Variants in NBAS observed in about 807,000 individuals in gnomAD.
NBAS encodes the protein NBAS subunit of NRZ tethering complex, also known as NAG/BC035112 fusion.
NBAS carries 219 observed loss-of-function variants against 302.5 expected under a neutral mutation model. That is an observed-to-expected ratio of 0.72 (90% CI 0.65 to 0.81). The LOEUF (loss-of-function observed/expected upper bound fraction) is 0.81. Ranked by LOEUF, NBAS falls within the 30% of genes least tolerant of loss-of-function variation. The pLI, the probability that NBAS is intolerant of heterozygous loss-of-function variation, is 0.00. For missense variants in NBAS, 2,932 were observed against 2,841.6 expected, an observed-to-expected ratio of 1.03 and a Z score of -0.72; for synonymous variants, 1,118 against 1,021.6, an observed-to-expected ratio of 1.09 and a Z score of -1.80.
chr2:15,258,742 C>A (rs746959860), intron 44 of NBAS, among the ~76,000 whole-genome samples: 10 of 152,140 alleles, frequency 6.6e-5, no homozygotes, highest in Non-Finnish European at 1.3e-4. Context: ...TGAACATAGA[C>A]CCTTATCAGG....
chr2:14,844,573 G>C, the NBAS span, among the ~76,000 whole-genome samples: 1 of 152,226 alleles, frequency 6.6e-6, no homozygotes, highest in Non-Finnish European at 1.5e-5. Context: ...CTCTGCCACA[G>C]AGAGGTAGCA....
chr2:15,145,623 C>A, the NBAS span, among the ~76,000 whole-genome samples: 3 of 152,070 alleles, frequency 2.0e-5, no homozygotes, highest in Non-Finnish European at 4.4e-5. Context: ...CTGGACTGGG[C>A]AGACCACTGG....
At chr2:14,973,771 T>C in the NBAS span, among the ~76,000 whole-genome samples, 1 of 152,362 alleles carries the variant, frequency 6.6e-6, no homozygotes, top group South Asian at 2.1e-4. Flanking sequence ...TGAATTGCCC[T>C]GTTTCTGTAA....
chr2:15,203,850 C>CTGTG (rs1163629239), intron 48 of NBAS, among the ~76,000 whole-genome samples: 1 of 143,182 alleles, frequency 7.0e-6, no homozygotes, highest in Admixed American at 6.9e-5. Context: ...GGTGGCATGT[C>CTGTG]TGTGTGTGTG....
chr2:15,471,366 T>G (rs1035077326), intron 16 of NBAS, among the ~76,000 whole-genome samples: 3 of 152,354 alleles, frequency 2.0e-5, no homozygotes, highest in Admixed American at 2.0e-4. Context: ...ATCATCCTGT[T>G]TGGCTGATGC....
At chr2:15,143,651 G>A in the NBAS span, among the ~76,000 whole-genome samples, 1 of 152,116 alleles carries the variant, frequency 6.6e-6, no homozygotes, top group Non-Finnish European at 1.5e-5. Flanking sequence ...CCCCTCGTAT[G>A]ATGGTTAATA....
chr2:14,904,482 C>T, the NBAS span, among the ~76,000 whole-genome samples: 13 of 152,178 alleles, frequency 8.5e-5, no homozygotes, highest in Non-Finnish European at 1.8e-4. Context: ...CTCAGCAAGT[C>T]GGCTTATCCC....
chr2:14,793,827 A>G, the NBAS span, among the ~76,000 whole-genome samples: 1 of 152,148 alleles, frequency 6.6e-6, no homozygotes, highest in Non-Finnish European at 1.5e-5. Flanking sequence ...CCATATACAA[A>G]CAGGGGCACA....
chr2:14,916,334 G>C, the NBAS span, among the ~76,000 whole-genome samples: 1 of 152,094 alleles, frequency 6.6e-6, no homozygotes, highest in Non-Finnish European at 1.5e-5. Flanking sequence ...CAACGTAAAG[G>C]ACAAACACTC....
At chr2:15,079,390 A>G in the NBAS span, among the ~76,000 whole-genome samples, 1 of 152,144 alleles carries the variant, frequency 6.6e-6, no homozygotes, top group Non-Finnish European at 1.5e-5. Context: ...AAAAGAGATC[A>G]TAAGTAAGAA....
At position 15,353,678 on chromosome 2, in the gene NBAS, A is replaced by G; in HGVS notation, c.3964T>C (p.Leu1322=). The part of the protein sequence containing the change: ...YPKSWDVCSQ[L]GQSEGYQDLA... ...TCCTGGTAACCTTCTGATTGTCCTA[A>G]CTGGCTACAAACATCCCAACTTTTA... Residue 1322 remains leucine, a synonymous_variant, in exon 34 of 52, where the codon TTA becomes CTA. Coordinates refer to ENST00000281513, the MANE Select transcript of NBAS (RefSeq NM_015909.4). 1 of 1,614,048 alleles carries G rather than the reference A, an allele frequency of 6.2e-7. No homozygotes were observed. The highest frequency in any genetic ancestry group is 8.5e-7 in the Non-Finnish European group (1 of 1,179,948).
At chr2:14,779,918 C>T in the NBAS span, among the ~76,000 whole-genome samples, 1 of 152,154 alleles carries the variant, frequency 6.6e-6, no homozygotes. Flanking sequence ...TTTGTTATTA[C>T]ATATATAACT....
At chr2:15,095,535 G>C in the NBAS span, among the ~76,000 whole-genome samples, 4 of 152,184 alleles carry the variant, frequency 2.6e-5, no homozygotes, top group African/African-American at 9.6e-5. Context: ...TGGGAATTAT[G>C]GGAGTAAAGT....
Position 15,556,818 on chromosome 2 carries a change from A to C in NBAS, c.174T>G (p.Asp58Glu), listed in dbSNP as rs1664667959. The change falls in exon 3 of 52, where the codon GAT becomes GAG. Residue 58 changes from aspartate (D) to glutamate (E), a missense_variant and splice_region_variant. Coordinates refer to ENST00000281513, the MANE Select transcript of NBAS (RefSeq NM_015909.4). Reference protein sequence around the residue: ...ASFIITKAIRDRLLFLRQYIW... With the variant: ...ASFIITKAIRERLLFLRQYIW... ...TGTATTGGCGTAAAAATAATAAACG[A>C]TCTGTAATCAAAAGAAATGGCAAAG... The C allele has an allele frequency of 6.2e-7, 1 of 1,610,416 alleles. No individual in the cohort carries two copies. The highest frequency in any genetic ancestry group is 1.1e-5 in the South Asian group (1 of 90,946).
intron 40 of NBAS, among the ~76,000 whole-genome samples, chr2:15,303,348 T>A (rs1018181880): frequency 1.3e-5 from 2 of 152,156 alleles, no homozygotes; most frequent in African/African-American, 4.8e-5. Flanking sequence ...TACCACAATG[T>A]CAAGCTCTAT....
chr2:15,383,069 C>T, intron 29 of NBAS, 146 bp downstream of exon 29: 1 of 665,690 alleles, frequency 1.5e-6, no homozygotes, highest in Non-Finnish European at 2.6e-6. Flanking sequence ...ATAAAGTGCT[C>T]AACCTATAAA....
At chr2:14,819,858 G>A in the NBAS span, among the ~76,000 whole-genome samples, 1 of 152,186 alleles carries the variant, frequency 6.6e-6, no homozygotes, top group Non-Finnish European at 1.5e-5. Context: ...GCAAAAGATT[G>A]GAATAGACAT....
chr2:15,202,891 G>C (rs1489528906), intron 48 of NBAS, among the ~76,000 whole-genome samples: 1 of 152,082 alleles, frequency 6.6e-6, no homozygotes, highest in African/African-American at 2.4e-5. Context: ...ACTTTGCTTT[G>C]AGTTAAATTT....
chr2:14,858,075 A>T, the NBAS span, among the ~76,000 whole-genome samples: 1 of 152,134 alleles, frequency 6.6e-6, no homozygotes, highest in Non-Finnish European at 1.5e-5. Flanking sequence ...GATCCTCAAC[A>T]TCACTGATCA....
Sources: allele counts gnomAD v4.1 joint callset (sites outside exome capture counted in the v4.1 genomes callset), GRCh38; gene constraint gnomAD v4.1.1; transcripts MANE v1.5; gene names NCBI Gene and HGNC (gene_info 2026-07-23, HGNC 2026-07-21).